Variants in PCDHGB7 observed in about 807,000 individuals in gnomAD.
PCDHGB7 encodes protocadherin gamma-B7.
Under a neutral mutation model 61.4 loss-of-function variants are expected in PCDHGB7, and 37 were observed. The observed-to-expected ratio is 0.60, with a 90% CI of 0.46 to 0.79. The LOEUF is 0.79. PCDHGB7 is among the 30% of genes least tolerant of loss of function. PCDHGB7 has a pLI of 0.00. For missense variants in PCDHGB7, 1,166 were observed against 1,202.5 expected (o/e 0.97, Z 0.45); for synonymous variants, 464 against 503.5 (o/e 0.92, Z 1.05).
At position 141,477,146 on chromosome 5, in the gene PCDHGB7, G is replaced by A. The variant is rs1447966302; in HGVS notation, c.2416-17661G>A. The stretch of plus-strand genomic sequence containing the variant: ...TTGCAAAGTGTTGGTGGAGGTTGTG[G>A]ATGTGAATGACAACGCCCCGGAGAT... On this transcript the variant is annotated intron_variant, in intron 1 of 3. Coordinates refer to ENST00000398594, the MANE Select transcript of PCDHGB7 (RefSeq NM_018927.4). This position sits in a 1 kb window ranked among gnomAD's most constrained non-coding sequence, Gnocchi z 4.9. 1 of 1,614,182 alleles carries A rather than the reference G, an allele frequency of 6.2e-7. No homozygotes were observed. The highest frequency in any genetic ancestry group is 8.5e-7 in the Non-Finnish European group (1 of 1,180,044).
chr5:141,495,735 T>C (rs1595351919), intron 2 of PCDHGB7, among the ~76,000 whole-genome samples: 1 of 152,044 alleles, frequency 6.6e-6, no homozygotes, highest in Admixed American at 6.5e-5. Context: ...CCTTAGTCTC[T>C]TTCTCCTTCT....
At chr5:141,458,984 C>T (rs2098958355) in intron 1 of PCDHGB7, among the ~76,000 whole-genome samples, 1 of 152,204 alleles carries the variant, frequency 6.6e-6, no homozygotes, top group Non-Finnish European at 1.5e-5. Context: ...CCTCCTGCCT[C>T]ACCCTCCCAA....
chr5:141,426,369 A>G, intron 1 of PCDHGB7: 1 of 205,906 alleles, frequency 4.9e-6, no homozygotes, highest in Non-Finnish European at 1.0e-5. Context: ...TCTGCGGGGC[A>G]CCCTCGGAGC....
In PCDHGB7 at chr5:141,419,734, G is replaced by A; in HGVS notation, c.1875G>A (p.Glu625=). Residue 625 remains glutamate, a synonymous_variant, in exon 1 of 4, where the codon GAG becomes GAA. Coordinates refer to ENST00000398594, the MANE Select transcript of PCDHGB7 (RefSeq NM_018927.4). ...TCAGCCTGGGGCTGCGAACAGGCGA[G>A]GTGCGCATGGTGCGTGCTTTGGGTG... ...GLFSLGLRTG[E]VRMVRALGDK... The A allele has an allele frequency of 1.2e-6, 2 of 1,613,792 alleles. No homozygotes were observed. Among genetic ancestry groups the A allele is most frequent in the Non-Finnish European group, 1.7e-6 (2 of 1,179,834 alleles).
chr5:141,465,858 C>T (rs2099110865), intron 1 of PCDHGB7, among the ~76,000 whole-genome samples: 1 of 152,034 alleles, frequency 6.6e-6, no homozygotes, highest in African/African-American at 2.4e-5. Context: ...CCCAGTGGCT[C>T]ATGCCTGTAA....
chr5:141,490,363 C>A lies in PCDHGB7; in HGVS notation c.2416-4444C>A. The A allele has an allele frequency of 6.2e-7, 1 of 1,614,154 alleles. No individual in the cohort carries two copies. Among genetic ancestry groups the A allele is most frequent in the South Asian group, 1.1e-5 (1 of 91,078 alleles). On this transcript the variant is annotated intron_variant, in intron 1 of 3. Coordinates refer to ENST00000398594, the MANE Select transcript of PCDHGB7 (RefSeq NM_018927.4). The surrounding 1 kb of genome is among the most constrained non-coding windows in gnomAD (Gnocchi z 5.4). Reference sequence around the variant, plus strand: ...CACAGTAGTGGGGTTGTTTAATGTGCGAGACCGGGACTCAGGTAGAAATGG... The same window carrying A: ...CACAGTAGTGGGGTTGTTTAATGTGAGAGACCGGGACTCAGGTAGAAATGG...
chr5:141,506,801 C>A (rs1322016728), intron 3 of PCDHGB7, among the ~76,000 whole-genome samples: 2 of 152,166 alleles, frequency 1.3e-5, no homozygotes, highest in Non-Finnish European at 2.9e-5. Flanking sequence ...GGCAGAGGAT[C>A]AAGGCATTGC....
rs1328089059 is a variant in PCDHGB7, at chr5:141,478,532, G to A, written c.2416-16275G>A. 4.4e-6 allele frequency: 7 copies of A among 1,607,742 alleles called. No homozygotes were observed. The East Asian group carries it at 1.6e-4, about 36-fold the overall frequency. On this transcript the variant is annotated intron_variant, in intron 1 of 3. Coordinates refer to ENST00000398594, the MANE Select transcript of PCDHGB7 (RefSeq NM_018927.4). Reference sequence around the variant, plus strand: ...TAGGCAGGTGTTGGGTGCAGAGAGCGCCCCTCCCGGACAGGTAAGGTTTAG... The same window carrying A: ...TAGGCAGGTGTTGGGTGCAGAGAGCACCCCTCCCGGACAGGTAAGGTTTAG...
In PCDHGB7 at chr5:141,490,081, T is replaced by A; in HGVS notation, c.2416-4726T>A. Reference sequence around the variant, plus strand: ...CACCAACGGCCAACTAGACTATTCTTTTGGAGACCACACATCTGAGGCAGT... The same window carrying A: ...CACCAACGGCCAACTAGACTATTCTATTGGAGACCACACATCTGAGGCAGT... On this transcript the variant is annotated intron_variant, in intron 1 of 3. Coordinates refer to ENST00000398594, the MANE Select transcript of PCDHGB7 (RefSeq NM_018927.4). The surrounding 1 kb of genome is among the most constrained non-coding windows in gnomAD (Gnocchi z 5.4). 3 of 1,614,216 alleles carry A rather than the reference T, an allele frequency of 1.9e-6. No homozygotes were observed. Among genetic ancestry groups the A allele is most frequent in the Non-Finnish European group, 2.5e-6 (3 of 1,180,040 alleles).
At position 141,511,542 on chromosome 5, in the gene PCDHGB7, A is replaced by C; in HGVS notation, c.*369A>C. The stretch of plus-strand genomic sequence containing the variant: ...CCCATGCCTCCCTCCTCCCCACCCC[A>C]CTCCAACAGTTCCTCTTTCCCGAGT... On this transcript the variant is annotated 3_prime_UTR_variant, in exon 4 of 4. Coordinates refer to ENST00000398594, the MANE Select transcript of PCDHGB7 (RefSeq NM_018927.4). 6.6e-6 allele frequency: 2 copies of C among 302,184 alleles called. No homozygotes were observed. The highest frequency in any genetic ancestry group is 3.7e-5 in the South Asian group (1 of 26,678). The allele number at this position is 302,184 out of a possible 1,614,324, so 18.7% of individuals were successfully genotyped here. A position where few individuals can be genotyped will look rare whatever the true frequency, so the allele number is the denominator to read the frequency against.
At chr5:141,504,709 C>G (rs11743102) in intron 2 of PCDHGB7, among the ~76,000 whole-genome samples, 29,287 of 151,306 alleles carry the variant, frequency 0.19, 2,876 homozygotes, top group Middle Eastern at 0.24. Context: ...CTTCTATGGC[C>G]GTGGATTTTA....
intron 2 of PCDHGB7, among the ~76,000 whole-genome samples, chr5:141,502,894 G>C (rs1342496006): frequency 6.8e-6 from 1 of 147,968 alleles, no homozygotes; most frequent in Non-Finnish European, 1.5e-5. Context: ...AGGGAGTCTA[G>C]CTCTGTTGCC....
chr5:141,435,254 G>C (rs1220755047), intron 1 of PCDHGB7, among the ~76,000 whole-genome samples: 1 of 152,018 alleles, frequency 6.6e-6, no homozygotes, highest in African/African-American at 2.4e-5. Flanking sequence ...GGCCATTAGG[G>C]ATATGTCCAT....
intron 1 of PCDHGB7, chr5:141,428,464 G>A (rs904800167): frequency 1.1e-4 from 37 of 344,652 alleles, no homozygotes; most frequent in African/African-American, 6.3e-4. Context: ...CTACAATGAG[G>A]GAACTTTGCT....
Position 141,485,931 on chromosome 5 carries a change from A to C in PCDHGB7, c.2416-8876A>C, listed in dbSNP as rs761979804. 3 of 1,614,192 alleles carry C rather than the reference A, an allele frequency of 1.9e-6. No individual in the cohort carries two copies. In the South Asian group the frequency reaches 3.3e-5, roughly 18 times the overall value. On this transcript the variant is annotated intron_variant, in intron 1 of 3. Transcript: ENST00000398594. This position sits in a 1 kb window ranked among gnomAD's most constrained non-coding sequence, Gnocchi z 5.7. Reference sequence around the variant, plus strand: ...TCCAGCTACAGGATTAGTGTGTTGGAGAGCGCACCAGCGGGCATGGTGCTC... The same window carrying C: ...TCCAGCTACAGGATTAGTGTGTTGGCGAGCGCACCAGCGGGCATGGTGCTC...
intron 1 of PCDHGB7, among the ~76,000 whole-genome samples, chr5:141,449,869 T>G (rs1003364964): frequency 6.6e-6 from 1 of 151,924 alleles, no homozygotes; most frequent in African/African-American, 2.4e-5. Flanking sequence ...ATCAGAAAAT[T>G]TAACATCAAT....
chr5:141,502,578 T>C (rs2099815145), intron 2 of PCDHGB7, among the ~76,000 whole-genome samples: 1 of 152,198 alleles, frequency 6.6e-6, no homozygotes, highest in African/African-American at 2.4e-5. Context: ...TATAAAAATA[T>C]ATTTTTATAA....
At chr5:141,423,205 A>G in intron 1 of PCDHGB7, 1 of 1,613,612 alleles carries the variant, frequency 6.2e-7, no homozygotes, top group South Asian at 1.1e-5. Flanking sequence ...GGCCACCGTC[A>G]CGCTCACCGT....
At chr5:141,435,516 C>T (rs2097767967) in intron 1 of PCDHGB7, among the ~76,000 whole-genome samples, 1 of 152,058 alleles carries the variant, frequency 6.6e-6, no homozygotes, top group Non-Finnish European at 1.5e-5. Context: ...CTAATGATGA[C>T]TTTGTGGAAT....
Sources: allele counts gnomAD v4.1 joint callset (sites outside exome capture counted in the v4.1 genomes callset), GRCh38; gene constraint gnomAD v4.1.1; non-coding constraint Gnocchi (gnomAD v3.1); transcripts MANE v1.5; gene names NCBI Gene and HGNC (gene_info 2026-07-23, HGNC 2026-07-21).